Variants in LANCL3 observed in about 807,000 individuals in gnomAD.
The protein encoded by LANCL3 is lanC-like protein 3.
A neutral mutation model predicts 26.5 loss-of-function variants in LANCL3; 19 were observed. The ratio of observed to expected loss-of-function variants is 0.72; its 90% CI spans 0.50 to 1.05. The LOEUF (loss-of-function observed/expected upper bound fraction) is 1.05, where lower values mean the gene tolerates loss of function less well. Among genes scored for constraint, LANCL3 ranks in the 50% least tolerant of loss-of-function variants. LANCL3 has a pLI of 0.00. For synonymous variants in LANCL3, 160 were observed against 166.6 expected (o/e 0.96, Z 0.30); for missense variants, 318 against 362.7 (o/e 0.88, Z 1.00).
intron 1 of LANCL3, among the ~76,000 whole-genome samples, chrX:37,620,511 T>A (rs1444380924): frequency 8.9e-6 from 1 of 111,963 alleles, no homozygotes; most frequent in Non-Finnish European, 1.9e-5. Context: ...AGAGTCTACA[T>A]GGTCTTACAG....
intron 1 of LANCL3, among the ~76,000 whole-genome samples, chrX:37,576,733 G>T (rs782744363): frequency 8.9e-6 from 1 of 111,849 alleles, no homozygotes; most frequent in Non-Finnish European, 1.9e-5. Flanking sequence ...TCTTAGGGAT[G>T]TAATCAGGAA....
At chrX:37,587,500 C>A (rs1390498220) in intron 1 of LANCL3, among the ~76,000 whole-genome samples, 8 of 112,733 alleles carry the variant, frequency 7.1e-5, no homozygotes, top group Non-Finnish European at 1.5e-4. Flanking sequence ...CAATGGCGGG[C>A]GCCCCTCCCC....
intron 1 of LANCL3, among the ~76,000 whole-genome samples, chrX:37,617,940 A>T (rs1318191831): frequency 8.9e-6 from 1 of 112,015 alleles, no homozygotes; most frequent in African/African-American, 3.2e-5. Context: ...TCATGTGCAG[A>T]AACCCAATTC....
intron 1 of LANCL3, among the ~76,000 whole-genome samples, chrX:37,635,746 A>AAT (rs75579938): frequency 2.5e-4 from 27 of 109,512 alleles, no homozygotes; most frequent in East Asian, 5.6e-4. Context: ...AACTATATTT[A>AAT]ATATATATAT....
At chrX:37,587,351 G>A (rs1458791482) in intron 1 of LANCL3, among the ~76,000 whole-genome samples, 3 of 112,739 alleles carry the variant, frequency 2.7e-5, no homozygotes, top group Non-Finnish European at 5.6e-5. Flanking sequence ...AAGTCTGCAG[G>A]GGTTTCTGCT....
At chrX:37,660,063 C>T in intron 3 of LANCL3, among the ~76,000 whole-genome samples, 2 of 111,432 alleles carry the variant, frequency 1.8e-5, no homozygotes, top group Middle Eastern at 9.3e-3. Context: ...TGAGATATTT[C>T]ACATTTTAAA....
At chrX:37,669,901 A>G (rs1388122462) in intron 4 of LANCL3, among the ~76,000 whole-genome samples, 2 of 112,256 alleles carry the variant, frequency 1.8e-5, no homozygotes, top group Middle Eastern at 4.6e-3. Flanking sequence ...CCTCCCCGCT[A>G]TGTTTGCAGC....
chrX:37,658,712 T>C (rs1698562919), intron 2 of LANCL3, among the ~76,000 whole-genome samples: 1 of 112,388 alleles, frequency 8.9e-6, no homozygotes, highest in African/African-American at 3.2e-5. Flanking sequence ...ATTATTTCTT[T>C]ACAAATCTGG....
chrX:37,608,040 C>G (rs1310948350), intron 1 of LANCL3, among the ~76,000 whole-genome samples: 1 of 112,050 alleles, frequency 8.9e-6, no homozygotes, highest in East Asian at 2.8e-4. Context: ...GAACCATATG[C>G]CAAGATATTA....
At chrX:37,574,915 GTA>G (rs57888407) in intron 1 of LANCL3, among the ~76,000 whole-genome samples, 21 of 102,108 alleles carry the variant, frequency 2.1e-4, no homozygotes, top group Non-Finnish European at 2.4e-4. Flanking sequence ...GTGTGTGTAT[GTA>G]TATATATATA....
intron 1 of LANCL3, among the ~76,000 whole-genome samples, chrX:37,646,742 A>G (rs1175908325): frequency 5.4e-5 from 6 of 110,966 alleles, no homozygotes; most frequent in Non-Finnish European, 1.1e-4. Flanking sequence ...CACACCTCTG[A>G]GGCTGCCATC....
chrX:37,640,175 C>T (rs1221064857), intron 1 of LANCL3, among the ~76,000 whole-genome samples: 1 of 112,206 alleles, frequency 8.9e-6, no homozygotes, highest in East Asian at 2.8e-4. Flanking sequence ...GCTGTTTTCA[C>T]ACTGCTATAA....
intron 1 of LANCL3, among the ~76,000 whole-genome samples, chrX:37,591,518 A>G (rs147317155): frequency 8.1e-5 from 9 of 111,505 alleles, no homozygotes; most frequent in Non-Finnish European, 1.5e-4. Flanking sequence ...GATGTGGATT[A>G]ATATGGAATT....
rs1393800154 is a variant in LANCL3 at position 37,682,489 on chromosome X, A to C, written c.*6676A>C. Reference sequence around the variant, plus strand: ...ATACAGACTATAATTGACTACTGTCAATCTTTAACAAGTGATCTTTTTGCA... The same window carrying C: ...ATACAGACTATAATTGACTACTGTCCATCTTTAACAAGTGATCTTTTTGCA... On this transcript the variant is annotated 3_prime_UTR_variant, in exon 5 of 5. Transcript: ENST00000378619. 1.8e-5 allele frequency: 2 copies of C among 112,287 alleles called. No homozygotes were observed. Among genetic ancestry groups the C allele is most frequent in the Non-Finnish European group, 3.8e-5 (2 of 53,308 alleles). The allele number at this position is 112,287 out of a possible 1,213,427, so 9.3% of individuals were successfully genotyped here. A position where few individuals can be genotyped will look rare whatever the true frequency, so the allele number is the denominator to read the frequency against.
chrX:37,584,219 C>A (rs1923989891), intron 1 of LANCL3, among the ~76,000 whole-genome samples: 1 of 110,734 alleles, frequency 9.0e-6, no homozygotes, highest in Non-Finnish European at 1.9e-5. Context: ...ATTCGGTTTG[C>A]CAGCATTTTT....
chrX:37,664,849 AG>A (rs1260162209), intron 3 of LANCL3, among the ~76,000 whole-genome samples: 1 of 111,776 alleles, frequency 8.9e-6, no homozygotes, highest in Non-Finnish European at 1.9e-5. Context: ...TCATTTCCTA[AG>A]GATAATGGCC....
chrX:37,667,181 C>A, intron 3 of LANCL3, 101 bp from the exon 4 acceptor site: 1 of 412,248 alleles, frequency 2.4e-6, no homozygotes, highest in Non-Finnish European at 3.9e-6. Flanking sequence ...CTGTGTTTTA[C>A]CAGTACTCAG....
At chrX:37,595,096 T>C (rs1322056451) in intron 1 of LANCL3, among the ~76,000 whole-genome samples, 13 of 112,088 alleles carry the variant, frequency 1.2e-4, no homozygotes, top group African/African-American at 4.2e-4. Flanking sequence ...TATTGCTCAC[T>C]GGACGTACAG....
At chrX:37,641,532 A>G (rs1925862835) in intron 1 of LANCL3, among the ~76,000 whole-genome samples, 1 of 110,898 alleles carries the variant, frequency 9.0e-6, no homozygotes, top group Non-Finnish European at 1.9e-5. Context: ...TCTACATCCA[A>G]GGAATACATT....
Sources: gnomAD v4.1 joint callset for allele counts (sites outside exome capture counted in the v4.1 genomes callset) on GRCh38, gnomAD v4.1.1 for gene constraint, MANE v1.5 for transcripts, NCBI Gene and HGNC (gene_info 2026-07-23, HGNC 2026-07-21) for gene names.